Variants in L3MBTL4 observed in about 807,000 individuals in gnomAD.
L3MBTL4 encodes lethal(3)malignant brain tumor-like protein 4.
A neutral mutation model predicts 84.5 loss-of-function variants in L3MBTL4; 70 were observed. That is an observed-to-expected ratio of 0.83 (90% confidence interval 0.68 to 1.01). The LOEUF is 1.01. Ranked by LOEUF, L3MBTL4 falls within the 50% of genes least tolerant of loss-of-function variation. The probability of loss-of-function intolerance (pLI) is 0.00; values close to 1 mark genes in which losing one functional copy is unlikely to be tolerated. For missense variants in L3MBTL4, 715 were observed against 754.8 expected (o/e 0.95, Z 0.62); for synonymous variants, 274 against 259.8 (o/e 1.05, Z -0.52).
chr18:6,319,453 C>G (rs6506376), intron 1 of L3MBTL4, among the ~76,000 whole-genome samples: 1 of 151,914 alleles, frequency 6.6e-6, no homozygotes, highest in Non-Finnish European at 1.5e-5. Context: ...GATGACATTA[C>G]GACCAAAACC....
intron 4 of L3MBTL4, among the ~76,000 whole-genome samples, chr18:6,296,315 A>G (rs943588948): frequency 1.1e-4 from 17 of 152,176 alleles, no homozygotes; most frequent in African/African-American, 3.6e-4. Context: ...AATACTCTAG[A>G]GCTTTAGTAA....
At chr18:6,391,752 A>AACAACTACTACTACT (rs1555755552) in intron 1 of L3MBTL4, among the ~76,000 whole-genome samples, 23 of 150,006 alleles carry the variant, frequency 1.5e-4, no homozygotes, top group African/African-American at 5.5e-4. Context: ...CAACAACAAC[A>AACAACTACTACTACT]ACTACTACTA....
At chr18:6,323,122 C>T (rs551425962) in intron 1 of L3MBTL4, among the ~76,000 whole-genome samples, 2 of 152,278 alleles carry the variant, frequency 1.3e-5, no homozygotes, top group East Asian at 1.9e-4. Context: ...TGAGGCCTCC[C>T]CAGAAGTTGA....
intron 16 of L3MBTL4, among the ~76,000 whole-genome samples, chr18:6,005,385 T>C (rs1436632961): frequency 1.3e-5 from 2 of 152,052 alleles, no homozygotes; most frequent in Non-Finnish European, 2.9e-5. Flanking sequence ...GGGTTTGTTA[T>C]ATAGGTAAAT....
At chr18:6,124,575 G>A (rs147387873) in intron 14 of L3MBTL4, among the ~76,000 whole-genome samples, 46 of 152,056 alleles carry the variant, frequency 3.0e-4, no homozygotes, top group African/African-American at 1.1e-3. Context: ...AGGACAGAGA[G>A]AGCTCTGAAA....
intron 6 of L3MBTL4, among the ~76,000 whole-genome samples, 164 bp from the exon 7 acceptor site, chr18:6,243,593 A>T (rs2047539822): frequency 6.6e-6 from 1 of 152,252 alleles, no homozygotes; most frequent in Non-Finnish European, 1.5e-5. Context: ...ATGACCTCTG[A>T]TTAAGCTCTA....
chr18:6,384,047 T>G (rs2054711019), intron 1 of L3MBTL4, among the ~76,000 whole-genome samples: 1 of 152,168 alleles, frequency 6.6e-6, no homozygotes, highest in Non-Finnish European at 1.5e-5. Context: ...AATAACTGAC[T>G]TTTTAGAAAC....
At chr18:6,129,468 A>T (rs2059809288) in intron 14 of L3MBTL4, among the ~76,000 whole-genome samples, 3 of 151,194 alleles carry the variant, frequency 2.0e-5, no homozygotes, top group Admixed American at 2.0e-4. Flanking sequence ...AATCATTTTT[A>T]AAAATTTGTA....
At chr18:6,199,909 G>A (rs2045577496) in intron 12 of L3MBTL4, among the ~76,000 whole-genome samples, 1 of 152,130 alleles carries the variant, frequency 6.6e-6, no homozygotes, top group African/African-American at 2.4e-5. Context: ...CAATACCCAG[G>A]GCCCAAGGGC....
intron 12 of L3MBTL4, among the ~76,000 whole-genome samples, chr18:6,178,915 G>A (rs1002273337): frequency 6.6e-6 from 1 of 152,080 alleles, no homozygotes; most frequent in African/African-American, 2.4e-5. Flanking sequence ...GTACCCCAAC[G>A]CCTCAGTCAT....
At chr18:6,279,512 G>C (rs1005615809) in intron 4 of L3MBTL4, among the ~76,000 whole-genome samples, 2 of 152,120 alleles carry the variant, frequency 1.3e-5, no homozygotes, top group African/African-American at 4.8e-5. Flanking sequence ...TCACTAGAGA[G>C]GAATCAAGAA....
intron 1 of L3MBTL4, chr18:6,398,150 C>G (rs570046783): frequency 6.6e-6 from 1 of 152,318 alleles, no homozygotes; most frequent in East Asian, 1.9e-4. Flanking sequence ...GCACTCCAGC[C>G]TGGGCGGCAG....
rs558111571 is a variant in L3MBTL4 at position 6,214,740 on chromosome 18, A to G, written c.870+1010T>C. On this transcript the variant is annotated intron_variant, in intron 11 of 18. Transcript: ENST00000317931. ...CCAACATCACTGTCCTGAACAACAG[A>G]GGTAGAAGAGTTTAGTATTGTACAC... Among the ~76,000 whole-genome samples, 147 of 152,304 alleles carry G rather than the reference A, an allele frequency of 9.7e-4. 1 individual carries two copies. Among genetic ancestry groups the G allele is most frequent in the African/African-American group, 3.3e-3 (138 of 41,562 alleles).
At chr18:6,053,770 G>T (rs994779175) in intron 16 of L3MBTL4, among the ~76,000 whole-genome samples, 2 of 152,124 alleles carry the variant, frequency 1.3e-5, no homozygotes, top group Non-Finnish European at 2.9e-5. Flanking sequence ...TTTCTTTGGA[G>T]AGCTTGTCTC....
intron 13 of L3MBTL4, among the ~76,000 whole-genome samples, chr18:6,140,034 G>A (rs1238669043): frequency 6.6e-6 from 1 of 152,096 alleles, no homozygotes; most frequent in Non-Finnish European, 1.5e-5. Context: ...TCGAGCTAGT[G>A]GCCCCCAACC....
chr18:6,105,613 A>C (rs1452510510), intron 14 of L3MBTL4, among the ~76,000 whole-genome samples: 5 of 151,742 alleles, frequency 3.3e-5, no homozygotes, highest in African/African-American at 1.2e-4. Context: ...AGCCTGGCCA[A>C]CATGATGAAA....
At chr18:5,963,566 C>A (rs898921732) in intron 17 of L3MBTL4, among the ~76,000 whole-genome samples, 1 of 152,196 alleles carries the variant, frequency 6.6e-6, no homozygotes, top group East Asian at 1.9e-4. Flanking sequence ...GAAAGAGATT[C>A]CCATTTGATT....
intron 12 of L3MBTL4, among the ~76,000 whole-genome samples, chr18:6,203,712 T>G (rs1474148121): frequency 1.3e-5 from 2 of 152,172 alleles, no homozygotes; most frequent in Non-Finnish European, 2.9e-5. Context: ...CAAACTTCAG[T>G]GCACATACAA....
chr18:6,263,183 C>T lies in L3MBTL4; in HGVS notation c.219+764G>A, dbSNP rs942135707. Among the ~76,000 whole-genome samples the T allele has an allele frequency of 7.9e-5, 12 of 150,992 alleles. 1 individual carries two copies. Among genetic ancestry groups the T allele is most frequent in the African/African-American group, 2.9e-4 (12 of 41,056 alleles). On this transcript the variant is annotated intron_variant, in intron 5 of 18. Transcript: ENST00000317931. The stretch of plus-strand genomic sequence containing the variant: ...TTCTCAGATGCTGAGGCAGGAGAAT[C>T]GCTTGAACCAGGGAGTTGGAGGTTG...
Sources: allele counts gnomAD v4.1 joint callset (sites outside exome capture counted in the v4.1 genomes callset), GRCh38; gene constraint gnomAD v4.1.1; transcripts MANE v1.5; gene names NCBI Gene and HGNC (gene_info 2026-07-23, HGNC 2026-07-21).